CES4A: variants seen among roughly 807,000 people sequenced by gnomAD.
CES4A encodes the protein carboxylesterase 4A, also known as carboxylesterase 6.
A neutral mutation model predicts 65.4 loss-of-function variants in CES4A; 48 were observed. That is an observed-to-expected ratio of 0.73 (90% CI 0.58 to 0.93). The LOEUF (loss-of-function observed/expected upper bound fraction) is 0.93. Ranked by LOEUF, CES4A falls within the 40% of genes least tolerant of loss-of-function variation. CES4A has a pLI of 0.00. For synonymous variants in CES4A, 247 were observed against 281.8 expected (o/e 0.88, Z 1.24); for missense variants, 685 against 728.5 (o/e 0.94, Z 0.69).
chr16:66,992,234 G>C (rs552824946), intron 1 of CES4A, among the ~76,000 whole-genome samples: 49 of 152,346 alleles, frequency 3.2e-4, no homozygotes, highest in Admixed American at 9.8e-4. Flanking sequence ...AACTGCAAAG[G>C]CTGCACAAAC....
chr16:66,994,216 TTTTA>T (rs59252158), intron 1 of CES4A, among the ~76,000 whole-genome samples: 328 of 144,188 alleles, frequency 2.3e-3, no homozygotes, highest in South Asian at 4.7e-3. Context: ...AGACATAAAT[TTTTA>T]TTTATTTATT....
At position 67,003,945 on chromosome 16, in the gene CES4A, TG is replaced by T; in HGVS notation, c.940-135del. On this transcript the variant is annotated intron_variant, in intron 8 of 13. Coordinates refer to ENST00000648724, the Ensembl canonical transcript of CES4A. The surrounding 1 kb of genome is among the most constrained non-coding windows in gnomAD (Gnocchi z 4.2). ...TGCTCCCCTCCCACACCCATCCTCC[TG>T]GGGCTCACCATGCCAGCCCCAGCCT... The T allele has an allele frequency of 1.1e-6, 1 of 898,944 alleles. No individual in the cohort carries two copies. The highest frequency in any genetic ancestry group is 1.8e-6 in the Non-Finnish European group (1 of 569,432). 55.7% of individuals were successfully genotyped at this position (898,944 alleles called of 1,614,324 possible).
Position 67,003,638 on chromosome 16 carries a change from GGCCAA to G in CES4A, c.939+87_939+91del, listed in dbSNP as rs1189925678. 2 of 1,101,460 alleles carry G rather than the reference GGCCAA, an allele frequency of 1.8e-6. No homozygotes were observed. Among genetic ancestry groups the G allele is most frequent in the African/African-American group, 1.5e-5 (1 of 64,804 alleles). 68.2% of individuals were successfully genotyped at this position (1,101,460 alleles called of 1,614,324 possible). A position where few individuals can be genotyped will look rare whatever the true frequency, so the allele number is the denominator to read the frequency against. On this transcript the variant is annotated intron_variant, in intron 8 of 13. Transcript: ENST00000648724. The surrounding 1 kb of genome is among the most constrained non-coding windows in gnomAD (Gnocchi z 4.2). ...CTTGGGATACTTAGGGAATTGTTCA[GGCCAA>G]GATCCCTTCCCTAGTGGAGCTGATG... is the stretch of plus-strand genomic sequence containing the variant.
intron 13 of CES4A, chr16:67,007,786 A>C (rs1421195266): frequency 6.8e-6 from 1 of 147,652 alleles, no homozygotes; most frequent in Non-Finnish European, 1.5e-5. Flanking sequence ...ATGCCCGTCT[A>C]ATTTTTTTTT....
exon 1 of CES4A, chr16:66,988,627 T>C (rs1964137644): frequency 6.8e-7 from 1 of 1,472,074 alleles, no homozygotes; most frequent in Non-Finnish European, 9.0e-7. Context: ...CTGGTTACAA[T>C]TCCTCCCGCC....
rs904624503 is a variant in CES4A, at chr16:67,005,096, C to T, written c.1162-144C>T. ...AATCAGGGGTTACAATCAGCAGAGACAGAAACTTTCCCAGGAAGCTCCCTT... is the reference window on the plus strand; with the variant it reads ...AATCAGGGGTTACAATCAGCAGAGATAGAAACTTTCCCAGGAAGCTCCCTT... On this transcript the variant is annotated intron_variant, in intron 10 of 13. Transcript: ENST00000648724. The T allele has an allele frequency of 3.4e-6, 3 of 891,952 alleles. No homozygotes were observed. The South Asian group carries it at 4.2e-5, about 13-fold the overall frequency. The allele number at this position is 891,952 out of a possible 1,614,324, so 55.3% of individuals were successfully genotyped here.
intron 1 of CES4A, among the ~76,000 whole-genome samples, chr16:66,992,933 G>A (rs140466061): frequency 2.6e-4 from 40 of 152,108 alleles, no homozygotes; most frequent in African/African-American, 8.9e-4. Context: ...TGATCCACCC[G>A]CCTCGGCCTC....
chr16:67,009,149 C>T, exon 14 of CES4A: 2 of 1,610,602 alleles, frequency 1.2e-6, no homozygotes, highest in African/African-American at 1.3e-5. Context: ...CTAAGGGTGG[C>T]TATGCAGGAA....
At chr16:66,990,027 G>A (rs139066219) in intron 1 of CES4A, among the ~76,000 whole-genome samples, 174 of 149,368 alleles carry the variant, frequency 1.2e-3, no homozygotes, top group African/African-American at 1.7e-3. Flanking sequence ...ACATTTTGGC[G>A]CATTTTCTTT....
intron 2 of CES4A, 188 bp downstream of exon 2, chr16:66,996,017 C>T: frequency 1.4e-6 from 1 of 702,066 alleles, no homozygotes; most frequent in Non-Finnish European, 2.6e-6. Context: ...ACATCACTGA[C>T]AATGCTGCTG....
chr16:67,008,367 C>T (rs1235379034), intron 13 of CES4A: 2 of 152,182 alleles, frequency 1.3e-5, no homozygotes, highest in African/African-American at 4.8e-5. Context: ...ATCTCCTTTC[C>T]ACTTTGATCC....
intron 10 of CES4A, 62 bp from the exon 11 acceptor site, chr16:67,005,178 G>A: frequency 2.6e-6 from 4 of 1,543,824 alleles, no homozygotes; most frequent in Non-Finnish European, 3.6e-6. Flanking sequence ...CAAGTCACTG[G>A]TGGGCCCACC....
downstream of CES4A, chr16:67,009,906 T>G (rs1181222615): frequency 6.6e-6 from 1 of 152,284 alleles, no homozygotes; most frequent in Non-Finnish European, 1.5e-5. Context: ...ACTTGCCTTT[T>G]GCCTTCATGG....
chr16:67,009,192 G>A, exon 14 of CES4A: 2 of 1,550,150 alleles, frequency 1.3e-6, no homozygotes, highest in Non-Finnish European at 1.7e-6. Context: ...CCACCATCCA[G>A]GCCCTGGGGA....
At chr16:66,996,128 C>T (rs941272124) in intron 2 of CES4A, 19 of 504,500 alleles carry the variant, frequency 3.8e-5, no homozygotes, top group Non-Finnish European at 7.2e-5. Context: ...ACCTCCGCCT[C>T]CCGGGTTCAA....
intron 13 of CES4A, 101 bp from the exon 14 acceptor site, chr16:67,008,862 AAAGCCCTCTGG>A: frequency 4.7e-6 from 5 of 1,066,638 alleles, no homozygotes; most frequent in Non-Finnish European, 5.5e-6. Flanking sequence ...TCATCTCCGT[AAAGCCCTCTGG>A]AACCCCAAGT....
At chr16:66,991,706 T>A (rs1383979353) in intron 1 of CES4A, among the ~76,000 whole-genome samples, 1 of 152,238 alleles carries the variant, frequency 6.6e-6, no homozygotes, top group East Asian at 1.9e-4. Context: ...TGATGTAAGA[T>A]ACTTTTCTGT....
At chr16:67,002,618 T>C (rs1169383838) in intron 5 of CES4A, among the ~76,000 whole-genome samples, 2 of 151,714 alleles carry the variant, frequency 1.3e-5, no homozygotes, top group Admixed American at 1.3e-4. Context: ...CAGACAGGGA[T>C]TGGCTGGAGC....
At position 67,001,828 on chromosome 16, in the gene CES4A, G is replaced by A. The variant is rs1965384438; in HGVS notation, c.690+367G>A. 6.6e-6 allele frequency among the ~76,000 whole-genome samples: 1 copy of A among 152,252 alleles called. No homozygotes were observed. On this transcript the variant is annotated intron_variant, in intron 5 of 13. Coordinates refer to ENST00000648724, the Ensembl canonical transcript of CES4A. This position sits in a 1 kb window ranked among gnomAD's most constrained non-coding sequence, Gnocchi z 4.1. ...ACCTCACACCAGGCCTGCAAGCCAG[G>A]GGCATGAGTTGACGGGCTTTGCCCC...
Sources: gnomAD v4.1 joint callset for allele counts (sites outside exome capture counted in the v4.1 genomes callset) on GRCh38, gnomAD v4.1.1 for gene constraint, Gnocchi (gnomAD v3.1) non-coding constraint, MANE v1.5 for transcripts, NCBI Gene and HGNC (gene_info 2026-07-23, HGNC 2026-07-21) for gene names.